The following COL5A1 variants were observed in gnomAD, a reference collection of about 807,000 sequenced individuals.
The protein encoded by COL5A1 is collagen type V alpha 1 chain.
Under a neutral mutation model 263.7 loss-of-function variants are expected in COL5A1, and 16 were observed. The ratio of observed to expected loss-of-function variants is 0.06; its 90% confidence interval spans 0.04 to 0.09. The LOEUF is 0.09. Ranked by LOEUF, COL5A1 falls within the 10% of genes least tolerant of loss-of-function variation. COL5A1 has a pLI of 1.00. For synonymous variants in COL5A1, 1,012 were observed against 1,004.5 expected (o/e 1.01, Z -0.14); for missense variants, 2,036 against 2,540.5 (o/e 0.80, Z 4.27).
At chr9:134,726,638 G>T (rs981484819) in intron 4 of COL5A1, among the ~76,000 whole-genome samples, 1 of 151,304 alleles carries the variant, frequency 6.6e-6, no homozygotes, top group Admixed American at 6.6e-5. Flanking sequence ...GTGAATGGAT[G>T]GGTAGATGGA....
At chr9:134,698,922 G>GC (rs1239463533) in intron 2 of COL5A1, among the ~76,000 whole-genome samples, 2 of 152,206 alleles carry the variant, frequency 1.3e-5, no homozygotes, top group South Asian at 2.1e-4. Flanking sequence ...CAGGTCCTGG[G>GC]CCCCCCTTCC....
intron 1 of COL5A1, among the ~76,000 whole-genome samples, chr9:134,675,791 G>T (rs1028159373): frequency 2.6e-5 from 4 of 152,240 alleles, no homozygotes; most frequent in Non-Finnish European, 4.4e-5. Flanking sequence ...CCAAGGGGCT[G>T]CTTGAGCTTC....
chr9:134,817,813 G>A lies in COL5A1; in HGVS notation c.4212G>A (p.Gln1404=). Residue 1404 remains glutamine (Q), a synonymous_variant, in exon 54 of 66, where the codon CAG becomes CAA. Transcript: ENST00000371817. ...GCCCCGCAGGCCCCGAAGGCAGACA[G>A]GGAGAGAAAGGGGCCAAGGTAACGT... is the stretch of plus-strand genomic sequence containing the variant. ...PPGPAGPEGR[Q]GEKGAKGEAG... is the part of the protein sequence containing the mutation. 6.2e-7 allele frequency: 1 copy of A among 1,610,144 alleles called. No individual in the cohort carries two copies. Among genetic ancestry groups the A allele is most frequent in the Non-Finnish European group, 8.5e-7 (1 of 1,178,194 alleles).
At chr9:134,756,024 T>G (rs1835958562) in intron 16 of COL5A1, among the ~76,000 whole-genome samples, 1 of 152,132 alleles carries the variant, frequency 6.6e-6, no homozygotes. Flanking sequence ...TCTCGCTGGC[T>G]GGGGTGCCTC....
rs762192018 is a variant in COL5A1, at chr9:134,842,174, G to C, written c.5388G>C (p.Gln1796His). The change falls in exon 66 of 66, where the codon CAG becomes CAC. Residue 1796 changes from glutamine (Q) to histidine (H), a missense_variant. Physicochemically the swap from Gln to His is conservative, Grantham distance 24. Around this residue, in one of 3 missense-constraint regions of COL5A1, gnomAD observed 358 missense variants for 384.6 expected, o/e 0.93. Transcript: ENST00000371817. The surrounding 1 kb of genome is among the most constrained non-coding windows in gnomAD (Gnocchi z 5.8). ...TTCCCCAGACCAAGAAAGGCTACCA[G>C]AAGACGGTTCTGGAGATCGACACCC... Reference protein sequence around the residue: ...VDGCATKKGYQKTVLEIDTPK... With the variant: ...VDGCATKKGYHKTVLEIDTPK... 2.5e-6 allele frequency: 4 copies of C among 1,613,994 alleles called. No individual in the cohort carries two copies. The highest frequency in any genetic ancestry group is 3.4e-6 in the Non-Finnish European group (4 of 1,180,034).
chr9:134,820,461 C>T (rs887443992), intron 58 of COL5A1, among the ~76,000 whole-genome samples: 1 of 152,194 alleles, frequency 6.6e-6, no homozygotes, highest in Non-Finnish European at 1.5e-5. Context: ...GGGGCTTCCT[C>T]CTCATGACCG....
intron 9 of COL5A1, among the ~76,000 whole-genome samples, chr9:134,737,020 C>T (rs892761441): frequency 2.0e-5 from 3 of 152,354 alleles, no homozygotes; most frequent in East Asian, 1.9e-4. Flanking sequence ...GTTGGAGCCT[C>T]GTCCTTGCTG....
intron 9 of COL5A1, among the ~76,000 whole-genome samples, chr9:134,733,620 G>A (rs1401469288): frequency 1.3e-5 from 2 of 152,232 alleles, no homozygotes; most frequent in African/African-American, 2.4e-5. Flanking sequence ...GCTCAGCATT[G>A]TGGAAAACCT....
Position 134,700,028 on chromosome 9 carries a change from G to A in COL5A1, c.397G>A (p.Gly133Ser), listed in dbSNP as rs1325993956. 1 of 1,613,636 alleles carries A rather than the reference G, an allele frequency of 6.2e-7. No homozygotes were observed. The highest frequency in any genetic ancestry group is 1.7e-5 in the Admixed American group (1 of 60,026). ...TATCCAGCAGATTGGGCTGGAGCTG[G>A]GCCGCTCTCCCGTCTTCCTCTACGA... is the stretch of plus-strand genomic sequence containing the variant. Reference protein sequence around the residue: ...QGIQQIGLELGRSPVFLYEDH... With the variant: ...QGIQQIGLELSRSPVFLYEDH... Residue 133 changes from glycine to serine, a missense_variant, in exon 3 of 66, where the codon GGC becomes AGC. Physicochemically the swap from Gly to Ser is moderately conservative, Grantham distance 56. Transcript: ENST00000371817. The surrounding 1 kb of genome is among the most constrained non-coding windows in gnomAD (Gnocchi z 4.0).
intron 34 of COL5A1, among the ~76,000 whole-genome samples, chr9:134,795,831 G>C (rs1185120148): frequency 2.0e-5 from 3 of 152,244 alleles, no homozygotes; most frequent in Admixed American, 6.5e-5. Flanking sequence ...TACCTGTCCA[G>C]GATGCCACTC....
intron 1 of COL5A1, among the ~76,000 whole-genome samples, chr9:134,657,469 T>G: frequency 3.1e-5 from 1 of 32,084 alleles, no homozygotes; most frequent in Non-Finnish European, 5.3e-5. Context: ...GGTGTAGGTG[T>G]AGTTTATAGA....
chr9:134,800,749 C>CAAAAAAAAAA (rs397951217), intron 37 of COL5A1, among the ~76,000 whole-genome samples: 158 of 81,428 alleles, frequency 1.9e-3, no homozygotes, highest in Non-Finnish European at 2.5e-3. Context: ...CTGTCTCAAA[C>CAAAAAAAAAA]AAAAAAAAAA....
intron 25 of COL5A1, among the ~76,000 whole-genome samples, chr9:134,770,567 T>A (rs891044540): frequency 1.3e-5 from 2 of 152,230 alleles, no homozygotes; most frequent in African/African-American, 4.8e-5. Flanking sequence ...CAAGGGCGCA[T>A]GCATATCTGC....
intron 11 of COL5A1, among the ~76,000 whole-genome samples, chr9:134,748,254 T>C (rs1835641425): frequency 6.7e-6 from 1 of 149,380 alleles, no homozygotes; most frequent in Non-Finnish European, 1.5e-5. Context: ...CACATGCATT[T>C]ACACATGCAC....
intron 44 of COL5A1, 94 bp downstream of exon 44, chr9:134,810,402 C>T (rs771758562): frequency 7.2e-5 from 90 of 1,245,158 alleles, no homozygotes; most frequent in Non-Finnish European, 9.8e-5. Context: ...TCTCTTCCAA[C>T]GTTGCTGATG....
At chr9:134,781,431 A>G (rs1182620356) in intron 28 of COL5A1, among the ~76,000 whole-genome samples, 1 of 152,244 alleles carries the variant, frequency 6.6e-6, no homozygotes, top group Non-Finnish European at 1.5e-5. Flanking sequence ...GGCCTTACGA[A>G]CACAGGGTCC....
chr9:134,764,515 G>A (rs753929208), intron 20 of COL5A1, among the ~76,000 whole-genome samples: 1 of 152,076 alleles, frequency 6.6e-6, no homozygotes, highest in Non-Finnish European at 1.5e-5. Context: ...CCAGCCCTGG[G>A]CATGGGAAAG....
At chr9:134,810,159 CTG>C (rs1838462791) in intron 43 of COL5A1, 94 bp from the exon 44 acceptor site, 3 of 1,353,870 alleles carry the variant, frequency 2.2e-6, no homozygotes, top group Admixed American at 3.4e-5. Context: ...GGAAAGGACA[CTG>C]TTCTTAATCT....
rs1481593256 is a variant in COL5A1 at position 134,844,551 on chromosome 9, C to A, written c.*2248C>A. ...ATTACTTCTTATATTTGCAGAAATT[C>A]TTTTGGTGTAATTTTATTTTTTCCT... On this transcript the variant is annotated 3_prime_UTR_variant, in exon 66 of 66. Coordinates refer to ENST00000371817, the MANE Select transcript of COL5A1 (RefSeq NM_000093.5). 1 of 152,136 alleles carries A rather than the reference C, an allele frequency of 6.6e-6. No homozygotes were observed. Among genetic ancestry groups the A allele is most frequent in the Admixed American group, 6.5e-5 (1 of 15,270 alleles). 9.4% of individuals were successfully genotyped at this position (152,136 alleles called of 1,614,324 possible).
Sources: allele counts gnomAD v4.1 joint callset (sites outside exome capture counted in the v4.1 genomes callset), GRCh38; gene constraint gnomAD v4.1.1; regional missense constraint gnomAD v4.1.1; non-coding constraint Gnocchi (gnomAD v3.1); transcripts MANE v1.5; gene names NCBI Gene and HGNC (gene_info 2026-07-23, HGNC 2026-07-21).